The following NFATC3 variants were observed in gnomAD, a reference collection of about 807,000 sequenced individuals.
NFATC3 encodes nuclear factor of activated T-cells, cytoplasmic 3.
A neutral mutation model predicts 98.6 loss-of-function variants in NFATC3; 46 were observed. The ratio of observed to expected loss-of-function variants is 0.47; its 90% CI spans 0.37 to 0.60. The LOEUF is 0.60. Ranked by LOEUF, NFATC3 falls within the 20% of genes least tolerant of loss-of-function variation. The probability of loss-of-function intolerance (pLI) is 0.00; values close to 1 mark genes in which losing one functional copy is unlikely to be tolerated. For missense variants in NFATC3, 1,256 were observed against 1,295.5 expected (o/e 0.97, Z 0.47); for synonymous variants, 512 against 472.2 (o/e 1.08, Z -1.09).
intron 9 of NFATC3, among the ~76,000 whole-genome samples, chr16:68,193,181 A>G (rs1265281549): frequency 3.3e-5 from 5 of 152,138 alleles, no homozygotes; most frequent in South Asian, 4.1e-4. Flanking sequence ...TAATGTAGAT[A>G]TGATTTAAAG....
Position 68,096,910 on chromosome 16 carries a change from C to A in NFATC3, c.103+11126C>A, listed in dbSNP as rs149123784. ...ACAGCAGGGAGCCATTGAAGGATTT[C>A]AAATTGGGCAGAAATGTCAGATTTG... On this transcript the variant is annotated intron_variant, in intron 1 of 9. Transcript: ENST00000346183. Among the ~76,000 whole-genome samples the A allele has an allele frequency of 5.5e-3, 836 of 152,260 alleles. 8 individuals are homozygous for A. Among genetic ancestry groups the A allele is most frequent in the South Asian group, 0.013 (63 of 4,822 alleles).
rs770818585 is a variant in NFATC3, at chr16:68,157,911, A to G, written c.1444A>G (p.Ile482Val). ...AAAGCCAATAAATCTACAAATGTTT[A>G]TTGGGACAGCAGATGATCGATATTT... Reference protein sequence around the residue: ...NEKPINLQMFIGTADDRYLRP... With the variant: ...NEKPINLQMFVGTADDRYLRP... The change falls in exon 4 of 10, where the codon ATT becomes GTT. Residue 482 changes from isoleucine (I) to valine (V), a missense_variant. Around this residue, in one of 3 missense-constraint regions of NFATC3, gnomAD observed 156 missense variants for 212.4 expected, o/e 0.73. Transcript: ENST00000346183. 14 of 1,613,662 alleles carry G rather than the reference A, an allele frequency of 8.7e-6. No homozygotes were observed. The Admixed American group carries it at 1.2e-4, about 13-fold the overall frequency.
intron 3 of NFATC3, among the ~76,000 whole-genome samples, chr16:68,140,571 A>T (rs1437865395): frequency 6.6e-6 from 1 of 152,216 alleles, no homozygotes; most frequent in African/African-American, 2.4e-5. Context: ...TGTCAGAGCA[A>T]CTGGATATCC....
chr16:68,094,354 A>G (rs760203744), intron 1 of NFATC3, among the ~76,000 whole-genome samples: 7 of 152,152 alleles, frequency 4.6e-5, no homozygotes, highest in Non-Finnish European at 7.3e-5. Context: ...AAAAATTCAG[A>G]ATTTTAAAAA....
chr16:68,148,355 A>G (rs1428168837), intron 3 of NFATC3, among the ~76,000 whole-genome samples: 1 of 152,062 alleles, frequency 6.6e-6, no homozygotes, highest in African/African-American at 2.4e-5. Flanking sequence ...TTGACATTTT[A>G]TAGTTTTATG....
intron 9 of NFATC3, among the ~76,000 whole-genome samples, chr16:68,202,384 G>A (rs2040962597): frequency 6.6e-6 from 1 of 152,170 alleles, no homozygotes; most frequent in Non-Finnish European, 1.5e-5. Flanking sequence ...TCAAGGGAAT[G>A]ATAAACACAA....
In NFATC3 at chr16:68,091,317, C is replaced by T. The variant is rs114680925; in HGVS notation, c.103+5533C>T. 6.9e-3 allele frequency among the ~76,000 whole-genome samples: 1,047 copies of T among 152,282 alleles called. 17 individuals are homozygous for T. The highest frequency in any genetic ancestry group is 0.023 in the African/African-American group (976 of 41,556). The stretch of plus-strand genomic sequence containing the variant: ...AATTTAAAGTAAGCTGTAGAATCAA[C>T]TTATAATAATGACTTGCCTTTCTTT... On this transcript the variant is annotated intron_variant, in intron 1 of 9. Transcript: ENST00000346183.
At chr16:68,147,965 C>A (rs975315164) in intron 3 of NFATC3, among the ~76,000 whole-genome samples, 1 of 151,924 alleles carries the variant, frequency 6.6e-6, no homozygotes, top group Admixed American at 6.6e-5. Flanking sequence ...AAATATATGC[C>A]CAAACTTTTC....
intron 1 of NFATC3, among the ~76,000 whole-genome samples, chr16:68,112,339 G>A (rs190756415): frequency 8.4e-5 from 12 of 143,248 alleles, no homozygotes; most frequent in Admixed American, 4.4e-4. Context: ...GTGCAGTGGC[G>A]TGATCTTGGC....
In NFATC3 at chr16:68,226,353, A is replaced by G; in HGVS notation, c.3110A>G (p.Asn1037Ser). 1.3e-6 allele frequency: 2 copies of G among 1,571,010 alleles called. No homozygotes were observed. The change falls in exon 10 of 10, where the codon AAC becomes AGC. Residue 1037 changes from asparagine to serine, a missense_variant. By Grantham distance (46) the Asn-to-Ser change is conservative. Transcript: ENST00000346183. ...GLQDITLDDV[N>S]EIIGRDMSQI... ...TCTCCCTTTTCTTGTTTTTCAGTGA[A>G]CGAGATAATTGGGAGAGACATGTCC...
At position 68,145,014 on chromosome 16, in the gene NFATC3, C is replaced by T. The variant is rs183381358; in HGVS notation, c.1402-12855C>T. On this transcript the variant is annotated intron_variant, in intron 3 of 9. Transcript: ENST00000346183. ...TAGAGATGGCAATCTCACTATGTTG[C>T]CCAGGCTGGTCTACAACTCCTAGCC... 2.6e-5 allele frequency among the ~76,000 whole-genome samples: 4 copies of T among 152,160 alleles called. No homozygotes were observed. The East Asian group carries it at 7.7e-4, about 29-fold the overall frequency.
intron 1 of NFATC3, among the ~76,000 whole-genome samples, chr16:68,121,147 G>A (rs1340463910): frequency 6.6e-6 from 1 of 150,896 alleles, no homozygotes; most frequent in South Asian, 2.1e-4. Context: ...TTTGGATAAG[G>A]GATATTCAGC....
intron 5 of NFATC3, among the ~76,000 whole-genome samples, chr16:68,169,046 A>G (rs746160212): frequency 1.8e-4 from 27 of 152,084 alleles, no homozygotes; most frequent in Non-Finnish European, 3.4e-4. Flanking sequence ...CAGCCTCCCA[A>G]AGTTCTGGGA....
chr16:68,201,493 A>G (rs1337095482), intron 9 of NFATC3, among the ~76,000 whole-genome samples: 1 of 147,082 alleles, frequency 6.8e-6, no homozygotes, highest in Non-Finnish European at 1.5e-5. Flanking sequence ...CTGGTCTCAA[A>G]CTCCTGGGCT....
intron 9 of NFATC3, among the ~76,000 whole-genome samples, chr16:68,203,991 C>G (rs2041036197): frequency 2.0e-5 from 3 of 152,084 alleles, no homozygotes; most frequent in African/African-American, 7.2e-5. Flanking sequence ...AGTTTGACAC[C>G]AGGCTAGCCA....
intron 5 of NFATC3, among the ~76,000 whole-genome samples, chr16:68,172,517 T>G (rs2039512541): frequency 6.6e-6 from 1 of 152,158 alleles, no homozygotes; most frequent in African/African-American, 2.4e-5. Flanking sequence ...ATCCCAACTC[T>G]TTGGGAGGCC....
chr16:68,185,176 C>T (rs1326381055), intron 8 of NFATC3, among the ~76,000 whole-genome samples: 3 of 151,996 alleles, frequency 2.0e-5, no homozygotes, highest in Non-Finnish European at 4.4e-5. Context: ...GGGGTTTCAC[C>T]ACGTTGGCCA....
rs759202325 is a variant in NFATC3 at position 68,226,488 on chromosome 16, C to T, written c.*17C>T. On this transcript the variant is annotated 3_prime_UTR_variant, in exon 10 of 10. Coordinates refer to ENST00000346183, the MANE Select transcript of NFATC3 (RefSeq NM_173165.3). ...GGGCTCTAACAGTGCTTACTGCAGC[C>T]TTGTGTCCACCACCAACTTCTCAGC... 5 of 1,475,652 alleles carry T rather than the reference C, an allele frequency of 3.4e-6. No individual in the cohort carries two copies. Among genetic ancestry groups the T allele is most frequent in the Non-Finnish European group, 4.5e-6 (5 of 1,117,644 alleles). 91.4% of individuals were successfully genotyped at this position (1,475,652 alleles called of 1,614,324 possible).
chr16:68,165,108 G>A (rs1179465091), intron 4 of NFATC3, among the ~76,000 whole-genome samples: 2 of 152,040 alleles, frequency 1.3e-5, no homozygotes, highest in Non-Finnish European at 2.9e-5. Flanking sequence ...TAACACAGAT[G>A]ATCTCTGCTA....
Sources: allele counts gnomAD v4.1 joint callset (sites outside exome capture counted in the v4.1 genomes callset), GRCh38; gene constraint gnomAD v4.1.1; regional missense constraint gnomAD v4.1.1; transcripts MANE v1.5; gene names NCBI Gene and HGNC (gene_info 2026-07-23, HGNC 2026-07-21).